The following ATP2B2 variants were observed in gnomAD, a reference collection of about 807,000 sequenced individuals.
ATP2B2 encodes ATPase plasma membrane Ca2+ transporting 2, also known as plasma membrane calcium-transporting ATPase 2.
A neutral mutation model predicts 120.0 loss-of-function variants in ATP2B2; 15 were observed. The observed-to-expected ratio is 0.12, with a 90% CI of 0.08 to 0.19. The LOEUF (loss-of-function observed/expected upper bound fraction) is 0.19, where lower values mean the gene tolerates loss of function less well. Ranked by LOEUF, ATP2B2 falls within the 10% of genes least tolerant of loss-of-function variation. The pLI is 1.00. For missense variants in ATP2B2, 1,045 were observed against 1,719.8 expected (o/e 0.61, Z 6.94); for synonymous variants, 694 against 700.3 (o/e 0.99, Z 0.14).
intron 13 of ATP2B2, 119 bp downstream of exon 13, chr3:10,359,763 C>T (rs1387571455): frequency 6.8e-6 from 10 of 1,475,818 alleles, no homozygotes; most frequent in Non-Finnish European, 8.4e-6. Flanking sequence ...GACGGCCACT[C>T]CAGCCGGGCA....
chr3:10,624,510 C>T (rs2125629039), intron 1 of ATP2B2, among the ~76,000 whole-genome samples: 1 of 152,282 alleles, frequency 6.6e-6, no homozygotes, highest in East Asian at 1.9e-4. Context: ...CAGGGGTTGA[C>T]AATCTCAGCG....
chr3:10,356,642 G>T (rs764232943), intron 14 of ATP2B2, among the ~76,000 whole-genome samples: 2 of 152,220 alleles, frequency 1.3e-5, no homozygotes, highest in Non-Finnish European at 1.5e-5. Context: ...GGCCCGGGAA[G>T]GGGGAGGCTG....
chr3:10,468,484 G>A (rs1322795767), intron 1 of ATP2B2, among the ~76,000 whole-genome samples: 2 of 152,240 alleles, frequency 1.3e-5, no homozygotes, highest in African/African-American at 4.8e-5. Flanking sequence ...CGCATGGCAG[G>A]CCCCAGGGAG....
chr3:10,602,957 C>T (rs1053533676), intron 2 of ATP2B2, among the ~76,000 whole-genome samples: 3 of 152,230 alleles, frequency 2.0e-5, no homozygotes, highest in Middle Eastern at 3.2e-3. Flanking sequence ...CTTTTCTTAA[C>T]TTCTCAGCAC....
At position 10,329,225 on chromosome 3, in the gene ATP2B2, C is replaced by A. The variant is rs554556459; in HGVS notation, c.3421-100G>T. ...GGGTGGGAGAAGGGTTAGGGCAAAG[C>A]AGGTGGCTGGAATCCATAGTCGCTG... On this transcript the variant is annotated intron_variant, in intron 22 of 22. Transcript: ENST00000360273. The surrounding 1 kb of genome is among the most constrained non-coding windows in gnomAD (Gnocchi z 5.9). The A allele has an allele frequency of 1.4e-4, 164 of 1,198,804 alleles. No homozygotes were observed. The highest frequency in any genetic ancestry group is 1.9e-4 in the Non-Finnish European group (153 of 819,172). 74.3% of individuals were successfully genotyped at this position (1,198,804 alleles called of 1,614,324 possible).
intron 5 of ATP2B2, 31 bp downstream of exon 5, chr3:10,400,922 G>A (rs2124963848): frequency 6.2e-7 from 1 of 1,613,576 alleles, no homozygotes; most frequent in South Asian, 1.1e-5. Context: ...CATGGCGACG[G>A]GAATGGGCCC....
intron 22 of ATP2B2, among the ~76,000 whole-genome samples, chr3:10,335,968 C>T (rs1345923101): frequency 6.6e-6 from 1 of 152,206 alleles, no homozygotes; most frequent in Non-Finnish European, 1.5e-5. Flanking sequence ...ACTGGCTACG[C>T]TCTCCTGACC....
intron 10 of ATP2B2, among the ~76,000 whole-genome samples, chr3:10,376,245 T>C (rs741495): frequency 0.34 from 51,854 of 151,878 alleles, 9,886 homozygotes; most frequent in East Asian, 0.67. Context: ...TCAGATATGG[T>C]GACACATTGT....
At chr3:10,473,362 C>T (rs1251980914) in intron 1 of ATP2B2, among the ~76,000 whole-genome samples, 1 of 152,148 alleles carries the variant, frequency 6.6e-6, no homozygotes, top group African/African-American at 2.4e-5. Flanking sequence ...CCAGGTGTGG[C>T]GGCTCATGCC....
chr3:10,470,008 G>A (rs1467240031), intron 1 of ATP2B2, among the ~76,000 whole-genome samples: 5 of 152,048 alleles, frequency 3.3e-5, no homozygotes, highest in South Asian at 2.1e-4. Flanking sequence ...CGCAGCCCCC[G>A]TGGGGGCTGC....
chr3:10,431,149 G>A (rs1341707890), intron 2 of ATP2B2, among the ~76,000 whole-genome samples: 1 of 152,120 alleles, frequency 6.6e-6, no homozygotes, highest in African/African-American at 2.4e-5. Flanking sequence ...TCTATTTTGG[G>A]TAAAGATGCT....
chr3:10,400,809 G>C lies in ATP2B2; in HGVS notation c.781+144C>G, dbSNP rs73814214. 23 of 1,252,020 alleles carry C rather than the reference G, an allele frequency of 1.8e-5. No homozygotes were observed. In the African/African-American group the frequency reaches 3.3e-4, roughly 18 times the overall value. 77.6% of individuals were successfully genotyped at this position (1,252,020 alleles called of 1,614,324 possible). A position where few individuals can be genotyped will look rare whatever the true frequency, so the allele number is the denominator to read the frequency against. Reference sequence around the variant, plus strand: ...GTGTGTTTGTGAGAGAAAAGGAAGGGAGTTCTCACTTGGGGCTGAGCTGGC... The same window carrying C: ...GTGTGTTTGTGAGAGAAAAGGAAGGCAGTTCTCACTTGGGGCTGAGCTGGC... On this transcript the variant is annotated intron_variant, in intron 5 of 22. Transcript: ENST00000360273.
chr3:10,462,250 C>G (rs1389677898), intron 1 of ATP2B2, among the ~76,000 whole-genome samples: 1 of 152,226 alleles, frequency 6.6e-6, no homozygotes, highest in Non-Finnish European at 1.5e-5. Context: ...TCTCCTCATT[C>G]TTTTGTGACC....
Position 10,346,219 on chromosome 3 carries a change from C to CTGGCTGGGCA in ATP2B2, c.2405-92_2405-83dup, listed in dbSNP as rs1472088738. On this transcript the variant is annotated intron_variant, in intron 16 of 22. Transcript: ENST00000360273. This position sits in a 1 kb window ranked among gnomAD's most constrained non-coding sequence, Gnocchi z 4.1. The stretch of plus-strand genomic sequence containing the variant: ...GCCAGCCCTGGTCCTCGGGAGGGGC[C>CTGGCTGGGCA]TGGCTGGGCATGGCTTCCTCTCTGG... The CTGGCTGGGCA allele has an allele frequency of 2.3e-5, 32 of 1,395,526 alleles. No individual in the cohort carries two copies. The highest frequency in any genetic ancestry group is 3.1e-5 in the Non-Finnish European group (31 of 1,000,906). The allele number at this position is 1,395,526 out of a possible 1,614,324, so 86.4% of individuals were successfully genotyped here. A position where few individuals can be genotyped will look rare whatever the true frequency, so the allele number is the denominator to read the frequency against.
chr3:10,701,728 C>T (rs2071822124), intron 1 of ATP2B2, among the ~76,000 whole-genome samples: 1 of 151,958 alleles, frequency 6.6e-6, no homozygotes, highest in African/African-American at 2.4e-5. Context: ...GCTATGCAGA[C>T]CCTCTCCGTA....
At chr3:10,356,855 G>A (rs373373796) in intron 14 of ATP2B2, among the ~76,000 whole-genome samples, 5 of 152,198 alleles carry the variant, frequency 3.3e-5, no homozygotes, top group African/African-American at 9.7e-5. Flanking sequence ...AGGAAAGCAC[G>A]TGTGGGCTCC....
intron 22 of ATP2B2, 57 bp downstream of exon 22, chr3:10,338,119 C>A: frequency 1.2e-6 from 2 of 1,607,938 alleles, no homozygotes; most frequent in Non-Finnish European, 1.7e-6. Context: ...ACACTCACCT[C>A]CATCCCCTGG....
rs559312220 is a variant in ATP2B2 at position 10,337,260 on chromosome 3, G to A, written c.3420+916C>T. On this transcript the variant is annotated intron_variant, in intron 22 of 22. Transcript: ENST00000360273. ...ACCCAGGTGAGCTCTCTGCTACATC[G>A]GATGGAAATGAGGTGCTGGGCCACA... Among the ~76,000 whole-genome samples the A allele has an allele frequency of 1.8e-4, 28 of 152,280 alleles. 1 individual carries two copies. In the South Asian group the frequency reaches 5.8e-3, roughly 32 times the overall value.
intron 22 of ATP2B2, chr3:10,331,789 T>G (rs1574924022): frequency 2.2e-6 from 1 of 454,490 alleles, no homozygotes; most frequent in South Asian, 4.9e-5. Context: ...GTGAGCGGGG[T>G]TTCAGATGTT....
Sources: allele counts gnomAD v4.1 joint callset (sites outside exome capture counted in the v4.1 genomes callset), GRCh38; gene constraint gnomAD v4.1.1; non-coding constraint Gnocchi (gnomAD v3.1); transcripts MANE v1.5; gene names NCBI Gene and HGNC (gene_info 2026-07-23, HGNC 2026-07-21).